Variants in GRIA1 observed in about 807,000 individuals in gnomAD.
GRIA1 encodes glutamate ionotropic receptor AMPA type subunit 1.
Under a neutral mutation model 99.2 loss-of-function variants are expected in GRIA1, and 31 were observed. That is an observed-to-expected ratio of 0.31 (90% CI 0.23 to 0.42). The LOEUF (loss-of-function observed/expected upper bound fraction) is 0.42. GRIA1 is among the 10% of genes least tolerant of loss of function. GRIA1 has a pLI of 1.00. For synonymous variants in GRIA1, 438 were observed against 432.4 expected (o/e 1.01, Z -0.16); for missense variants, 782 against 1,157.5 (o/e 0.68, Z 4.71).
At chr5:153,601,576 A>G (rs1764966338) in intron 2 of GRIA1, among the ~76,000 whole-genome samples, 1 of 152,236 alleles carries the variant, frequency 6.6e-6, no homozygotes, top group Non-Finnish European at 1.5e-5. Flanking sequence ...ATCAGAGCGG[A>G]AAACACCTCT....
At chr5:153,680,767 G>C (rs567819653) in intron 7 of GRIA1, among the ~76,000 whole-genome samples, 1 of 152,318 alleles carries the variant, frequency 6.6e-6, no homozygotes, top group Admixed American at 6.5e-5. Flanking sequence ...ACACAGGTGG[G>C]CTTATGGTGC....
At chr5:153,554,440 T>C (rs1259341023) in intron 2 of GRIA1, among the ~76,000 whole-genome samples, 1 of 152,162 alleles carries the variant, frequency 6.6e-6, no homozygotes, top group Non-Finnish European at 1.5e-5. Flanking sequence ...TCCCAGAGAT[T>C]CCGAGTCAGT....
At chr5:153,619,021 T>C (rs1194350362) in intron 2 of GRIA1, among the ~76,000 whole-genome samples, 1 of 152,244 alleles carries the variant, frequency 6.6e-6, no homozygotes, top group Admixed American at 6.5e-5. Context: ...AATGACCTCA[T>C]AAAATTCACA....
chr5:153,499,156 GT>G (rs1292906588), intron 2 of GRIA1, among the ~76,000 whole-genome samples: 2 of 152,160 alleles, frequency 1.3e-5, no homozygotes, highest in Non-Finnish European at 2.9e-5. Context: ...GTTGTCTTAA[GT>G]TTTATAACTG....
chr5:153,704,220 C>T (rs1758729195), intron 10 of GRIA1, among the ~76,000 whole-genome samples: 1 of 152,238 alleles, frequency 6.6e-6, no homozygotes, highest in South Asian at 2.1e-4. Flanking sequence ...GTGGTCAGCA[C>T]CCTGACCTGC....
At chr5:153,649,669 C>A (rs1754409861) in intron 3 of GRIA1, among the ~76,000 whole-genome samples, 1 of 152,060 alleles carries the variant, frequency 6.6e-6, no homozygotes, top group Non-Finnish European at 1.5e-5. Flanking sequence ...ATCATGTTTG[C>A]CAGGCTGGTC....
chr5:153,583,344 A>T (rs1249679927), intron 2 of GRIA1, among the ~76,000 whole-genome samples: 2 of 152,214 alleles, frequency 1.3e-5, no homozygotes, highest in African/African-American at 4.8e-5. Flanking sequence ...GTTCTGAAGG[A>T]TAGAAGTCTG....
At chr5:153,634,266 C>T (rs899233363) in intron 2 of GRIA1, among the ~76,000 whole-genome samples, 2 of 149,108 alleles carry the variant, frequency 1.3e-5, no homozygotes, top group Admixed American at 6.7e-5. Context: ...TGCAGTGAGC[C>T]GAGATCGCGC....
At chr5:153,605,955 G>A (rs1765401698) in intron 2 of GRIA1, among the ~76,000 whole-genome samples, 1 of 152,104 alleles carries the variant, frequency 6.6e-6, no homozygotes, top group Admixed American at 6.5e-5. Context: ...TAACTTGAAT[G>A]CAGTCCAATT....
chr5:153,698,815 C>T, intron 9 of GRIA1, 52 bp from the exon 10 acceptor site: 1 of 1,186,704 alleles, frequency 8.4e-7, no homozygotes, highest in East Asian at 2.3e-5. Flanking sequence ...TCCTCCCTAC[C>T]CATGGGTGAA....
chr5:153,732,853 T>C (rs1159178990), intron 11 of GRIA1, among the ~76,000 whole-genome samples: 1 of 151,924 alleles, frequency 6.6e-6, no homozygotes, highest in Non-Finnish European at 1.5e-5. Flanking sequence ...TTACAGTTTC[T>C]GGTCTTACTT....
intron 2 of GRIA1, among the ~76,000 whole-genome samples, chr5:153,575,962 C>T (rs961768578): frequency 2.0e-4 from 30 of 152,202 alleles, no homozygotes; most frequent in African/African-American, 6.8e-4. Context: ...TCCTGAGCCC[C>T]AGCTACTGTT....
chr5:153,494,971 T>A (rs1754268558), intron 2 of GRIA1, among the ~76,000 whole-genome samples: 1 of 152,194 alleles, frequency 6.6e-6, no homozygotes, highest in African/African-American at 2.4e-5. Flanking sequence ...TGGTGACTTC[T>A]GCTGAGCTGT....
At chr5:153,592,394 T>A (rs1315999058) in intron 2 of GRIA1, among the ~76,000 whole-genome samples, 1 of 151,728 alleles carries the variant, frequency 6.6e-6, no homozygotes. Flanking sequence ...CAGATTCTAG[T>A]CCTGTCTGTG....
chr5:153,572,157 G>T (rs1347959352), intron 2 of GRIA1, among the ~76,000 whole-genome samples: 1 of 152,152 alleles, frequency 6.6e-6, no homozygotes, highest in African/African-American at 2.4e-5. Context: ...AAATGTTCAA[G>T]TATCTCTGTC....
At chr5:153,802,277 CT>C in intron 14 of GRIA1, 78 bp from the exon 15 acceptor site, 1 of 1,274,100 alleles carries the variant, frequency 7.8e-7, no homozygotes, top group Non-Finnish European at 1.1e-6. Flanking sequence ...TGAAAATATG[CT>C]GCTGCTTGGA....
chr5:153,725,490 A>T (rs1472985013), intron 11 of GRIA1, among the ~76,000 whole-genome samples: 1 of 126,954 alleles, frequency 7.9e-6, no homozygotes, highest in East Asian at 3.7e-4. Flanking sequence ...TGCTGTATTC[A>T]GGAAACCCAT....
chr5:153,491,910 T>C (rs971778665), intron 1 of GRIA1, among the ~76,000 whole-genome samples: 1 of 152,150 alleles, frequency 6.6e-6, no homozygotes, highest in Admixed American at 6.5e-5. Flanking sequence ...TTGCTACTCC[T>C]GATAATCATG....
intron 2 of GRIA1, 26 bp downstream of exon 2, chr5:153,494,091 A>G: frequency 6.2e-7 from 1 of 1,610,708 alleles, no homozygotes; most frequent in Non-Finnish European, 8.5e-7. Flanking sequence ...TATTTCTGAG[A>G]TGTCTTTCTG....
Sources: allele counts gnomAD v4.1 joint callset (sites outside exome capture counted in the v4.1 genomes callset), GRCh38; gene constraint gnomAD v4.1.1; transcripts MANE v1.5; gene names NCBI Gene and HGNC (gene_info 2026-07-23, HGNC 2026-07-21).